SLC35F4: variants seen among roughly 807,000 people sequenced by gnomAD.
The protein encoded by SLC35F4 is chromosome 14 open reading frame 36.
SLC35F4 carries 24 observed loss-of-function variants against 44.2 expected under a neutral mutation model. That is an observed-to-expected ratio of 0.54 (90% CI 0.39 to 0.76). SLC35F4 has a LOEUF of 0.76. Ranked by LOEUF, SLC35F4 falls within the 30% of genes least tolerant of loss-of-function variation. The probability of loss-of-function intolerance (pLI) is 0.00; values close to 1 mark genes in which losing one functional copy is unlikely to be tolerated. For missense variants in SLC35F4, 562 were observed against 586.1 expected, an observed-to-expected ratio of 0.96 and a Z score of 0.42; for synonymous variants, 238 against 223.6, an observed-to-expected ratio of 1.06 and a Z score of -0.57.
chr14:57,646,460 G>A (rs769869322), intron 1 of SLC35F4, among the ~76,000 whole-genome samples: 10 of 152,074 alleles, frequency 6.6e-5, no homozygotes, highest in Non-Finnish European at 1.0e-4. Flanking sequence ...CTGTGGGATC[G>A]GTGGTGATAT....
At chr14:57,864,768 G>GA (rs1887975270) in intron 1 of SLC35F4, among the ~76,000 whole-genome samples, 1 of 152,114 alleles carries the variant, frequency 6.6e-6, no homozygotes, top group African/African-American at 2.4e-5. Flanking sequence ...CATTGATAAA[G>GA]AAAAAAGCGA....
intron 1 of SLC35F4, among the ~76,000 whole-genome samples, chr14:57,926,728 G>T (rs779635355): frequency 5.4e-4 from 19 of 35,016 alleles, no homozygotes; most frequent in East Asian, 6.0e-3. Flanking sequence ...GTAGGGTTGG[G>T]GGGGGGGGGT....
chr14:57,710,478 T>C (rs1411596291), intron 1 of SLC35F4, among the ~76,000 whole-genome samples: 5 of 152,070 alleles, frequency 3.3e-5, no homozygotes, highest in African/African-American at 9.7e-5. Context: ...CTAGTAGAGC[T>C]GTGAGAAAAG....
At chr14:57,913,221 T>A (rs1023355713) in intron 1 of SLC35F4, among the ~76,000 whole-genome samples, 1 of 152,038 alleles carries the variant, frequency 6.6e-6, no homozygotes, top group African/African-American at 2.4e-5. Context: ...TTCACTCTGA[T>A]AAACTCTGTC....
chr14:57,665,768 G>T (rs927209906), intron 1 of SLC35F4, among the ~76,000 whole-genome samples: 1 of 152,108 alleles, frequency 6.6e-6, no homozygotes, highest in African/African-American at 2.4e-5. Context: ...GAACATGTGG[G>T]ACATATACAT....
intron 1 of SLC35F4, among the ~76,000 whole-genome samples, chr14:57,784,156 A>G (rs1355358640): frequency 6.6e-6 from 1 of 152,214 alleles, no homozygotes; most frequent in African/African-American, 2.4e-5. Flanking sequence ...TAGGTATCAC[A>G]CCAGAGGAAT....
intron 1 of SLC35F4, among the ~76,000 whole-genome samples, chr14:57,903,366 G>A (rs761418037): frequency 6.6e-6 from 1 of 152,140 alleles, no homozygotes; most frequent in Non-Finnish European, 1.5e-5. Flanking sequence ...GGAATATGTG[G>A]GAAGATTAGG....
intron 1 of SLC35F4, among the ~76,000 whole-genome samples, chr14:57,891,834 C>T: frequency 6.6e-6 from 1 of 152,160 alleles, no homozygotes; most frequent in East Asian, 1.9e-4. Flanking sequence ...CAAGATCATG[C>T]CACTGCACTC....
At chr14:57,705,372 C>G (rs141898919) in intron 1 of SLC35F4, among the ~76,000 whole-genome samples, 1 of 152,342 alleles carries the variant, frequency 6.6e-6, no homozygotes, top group African/African-American at 2.4e-5. Flanking sequence ...ATTACAAAAT[C>G]TAGCACTAAT....
intron 1 of SLC35F4, among the ~76,000 whole-genome samples, chr14:57,660,576 C>T (rs898543934): frequency 4.6e-5 from 7 of 150,650 alleles, no homozygotes; most frequent in African/African-American, 1.2e-4. Context: ...GAGGAGACCA[C>T]GTGAGATGGT....
chr14:57,865,401 G>A (rs988421865), intron 1 of SLC35F4, among the ~76,000 whole-genome samples: 3 of 152,188 alleles, frequency 2.0e-5, no homozygotes, highest in African/African-American at 7.2e-5. Flanking sequence ...CCTCCTCCGG[G>A]CGTAAATCCA....
intron 4 of SLC35F4, among the ~76,000 whole-genome samples, chr14:57,572,726 A>T (rs2068577955): frequency 6.6e-6 from 1 of 152,240 alleles, no homozygotes; most frequent in African/African-American, 2.4e-5. Context: ...AAAGTGAAAT[A>T]TTCATAATTC....
At chr14:57,817,901 C>A (rs1882780107) in intron 1 of SLC35F4, among the ~76,000 whole-genome samples, 1 of 152,036 alleles carries the variant, frequency 6.6e-6, no homozygotes, top group Non-Finnish European at 1.5e-5. Context: ...GAGAACTCAC[C>A]ACCTGAATGT....
intron 7 of SLC35F4, among the ~76,000 whole-genome samples, chr14:57,565,456 T>C (rs2068159778): frequency 6.6e-6 from 1 of 152,100 alleles, no homozygotes; most frequent in Non-Finnish European, 1.5e-5. Context: ...AATTACTCAA[T>C]TTTTTTTCCT....
chr14:57,857,871 G>A (rs1887269671), intron 1 of SLC35F4, among the ~76,000 whole-genome samples: 1 of 152,030 alleles, frequency 6.6e-6, no homozygotes, highest in Admixed American at 6.5e-5. Context: ...GGGCCAAAGT[G>A]CAGTAAAGCA....
At chr14:57,628,956 A>T (rs2072622723) in intron 1 of SLC35F4, among the ~76,000 whole-genome samples, 1 of 152,168 alleles carries the variant, frequency 6.6e-6, no homozygotes, top group Admixed American at 6.6e-5. Flanking sequence ...ATGAACAGTG[A>T]TGATAACAGC....
Position 57,581,377 on chromosome 14 carries a change from C to T in SLC35F4, c.644G>A (p.Arg215Lys), listed in dbSNP as rs1312100990. The change falls in exon 4 of 8, where the codon AGA becomes AAA. Residue 215 changes from arginine to lysine, a missense_variant. Coordinates refer to ENST00000556826, the MANE Select transcript of SLC35F4 (RefSeq NM_001306087.2). ...DGLTLKLFLK[R>K]TAPFSILWTL... The stretch of plus-strand genomic sequence containing the variant: ...CCATAGAATAGAAAAGGGAGCAGTT[C>T]TTTTAAGAAAGAGTTTCAGCGTCAG... 2 of 1,613,238 alleles carry T rather than the reference C, an allele frequency of 1.2e-6. No homozygotes were observed. Among genetic ancestry groups the T allele is most frequent in the Non-Finnish European group, 1.7e-6 (2 of 1,179,574 alleles).
chr14:57,939,379 T>C (rs1437696323), intron 1 of SLC35F4, among the ~76,000 whole-genome samples: 1 of 152,112 alleles, frequency 6.6e-6, no homozygotes, highest in African/African-American at 2.4e-5. Context: ...GACCACAGCC[T>C]GCCAGAGCAA....
intron 1 of SLC35F4, among the ~76,000 whole-genome samples, chr14:57,945,629 T>TA (rs1890013399): frequency 2.0e-5 from 3 of 152,030 alleles, no homozygotes; most frequent in Admixed American, 2.0e-4. Context: ...TTCCCCTGGG[T>TA]AGATACCCAG....
Sources: gnomAD v4.1 joint callset for allele counts (sites outside exome capture counted in the v4.1 genomes callset) on GRCh38, gnomAD v4.1.1 for gene constraint, MANE v1.5 for transcripts, NCBI Gene and HGNC (gene_info 2026-07-23, HGNC 2026-07-21) for gene names.